Variants in SLC6A6 observed in about 807,000 individuals in gnomAD.
SLC6A6 encodes solute carrier family 6 member 6.
SLC6A6 carries 16 observed loss-of-function variants against 68.8 expected under a neutral mutation model. The observed-to-expected ratio is 0.23, with a 90% CI of 0.16 to 0.35. The LOEUF (loss-of-function observed/expected upper bound fraction) is 0.35, where lower values mean the gene tolerates loss of function less well. Among genes scored for constraint, SLC6A6 ranks in the 10% least tolerant of loss-of-function variants. The probability of loss-of-function intolerance (pLI) is 1.00; values close to 1 mark genes in which losing one functional copy is unlikely to be tolerated. For synonymous variants in SLC6A6, 312 were observed against 315.4 expected (o/e 0.99, Z 0.12); for missense variants, 474 against 802.8 (o/e 0.59, Z 4.95).
intron 11 of SLC6A6, among the ~76,000 whole-genome samples, chr3:14,478,029 G>C (rs374976690): frequency 6.6e-6 from 1 of 151,590 alleles, no homozygotes; most frequent in Admixed American, 6.6e-5. Flanking sequence ...CCCCAGGAAC[G>C]GGTCCCATTT....
At chr3:14,418,591 C>T (rs1170141410) in intron 2 of SLC6A6, among the ~76,000 whole-genome samples, 1 of 152,246 alleles carries the variant, frequency 6.6e-6, no homozygotes, top group Non-Finnish European at 1.5e-5. Flanking sequence ...ATTGCTACCG[C>T]TTCCTGGACT....
intron 6 of SLC6A6, 46 bp from the exon 7 acceptor site, chr3:14,466,470 C>T: frequency 3.8e-6 from 6 of 1,577,368 alleles, no homozygotes; most frequent in Non-Finnish European, 3.5e-6. Context: ...GACTTAGCAG[C>T]AGCAAGTGAT....
Position 14,466,375 on chromosome 3 carries a change from C to T in SLC6A6, c.733-141C>T, listed in dbSNP as rs73134889. On this transcript the variant is annotated intron_variant, in intron 6 of 14. Transcript: ENST00000622186. ...AGTGGTTAAGCAATGTGCCAAAGGCCGCACAGCAAGTAAGACAGCAAACCT... is the reference window on the plus strand; with the variant it reads ...AGTGGTTAAGCAATGTGCCAAAGGCTGCACAGCAAGTAAGACAGCAAACCT... 1.2e-4 allele frequency: 107 copies of T among 910,668 alleles called. 1 individual carries two copies. The African/African-American group carries it at 1.6e-3, about 13-fold the overall frequency. The allele number at this position is 910,668 out of a possible 1,614,324, so 56.4% of individuals were successfully genotyped here.
chr3:14,416,107 T>A (rs912621312), intron 1 of SLC6A6, among the ~76,000 whole-genome samples: 2 of 151,990 alleles, frequency 1.3e-5, no homozygotes, highest in African/African-American at 4.8e-5. Flanking sequence ...CATGTGTGAG[T>A]GTGTGTCCCA....
intron 1 of SLC6A6, among the ~76,000 whole-genome samples, chr3:14,407,168 G>A (rs1699128962): frequency 6.6e-6 from 1 of 151,508 alleles, no homozygotes; most frequent in South Asian, 2.1e-4. Flanking sequence ...TCCCACCTCA[G>A]CCTTCCAAGT....
intron 1 of SLC6A6, among the ~76,000 whole-genome samples, chr3:14,411,493 G>A (rs1005160913): frequency 1.3e-5 from 2 of 152,230 alleles, no homozygotes; most frequent in Admixed American, 1.3e-4. Flanking sequence ...GTGAGTTAAA[G>A]TGGACTTCAG....
At chr3:14,408,799 T>C (rs1574903298) in intron 1 of SLC6A6, among the ~76,000 whole-genome samples, 1 of 151,342 alleles carries the variant, frequency 6.6e-6, no homozygotes, top group East Asian at 2.0e-4. Flanking sequence ...AGTTTTGTTT[T>C]GTTTTTTTTT....
intron 6 of SLC6A6, among the ~76,000 whole-genome samples, chr3:14,458,531 G>A (rs1292889842): frequency 5.3e-5 from 8 of 152,222 alleles, no homozygotes; most frequent in African/African-American, 1.7e-4. Context: ...ATGGACCCTC[G>A]CTTTGCAGAG....
At position 14,485,033 on chromosome 3, in the gene SLC6A6, G is replaced by C. The variant is rs375717737; in HGVS notation, c.*26G>C. The C allele has an allele frequency of 1.3e-6, 2 of 1,580,272 alleles. No homozygotes were observed. The highest frequency in any genetic ancestry group is 3.4e-5 in the Admixed American group (2 of 58,588). On this transcript the variant is annotated 3_prime_UTR_variant, in exon 15 of 15. Coordinates refer to ENST00000622186, the MANE Select transcript of SLC6A6 (RefSeq NM_003043.6). ...GCTCTCTCGGGTCGACGGGGCCGGC[G>C]GCTTTCCTGCTGTTTACTAACATTA...
chr3:14,438,243 TATTGATCA>T lies in SLC6A6; in HGVS notation c.-11-5376_-11-5369del, dbSNP rs201694833. Among the ~76,000 whole-genome samples the T allele has an allele frequency of 7.6e-3, 1,158 of 152,136 alleles. 16 individuals are homozygous for T. Among genetic ancestry groups the T allele is most frequent in the African/African-American group, 0.025 (1,054 of 41,476 alleles). ...GTTTTTTTTTTTTAAAGCTACTATT[TATTGATCA>T]ATTGGTATGTGCTGGGCTGTGTGCT... is the stretch of plus-strand genomic sequence containing the variant. On this transcript the variant is annotated intron_variant, in intron 2 of 14. Transcript: ENST00000622186.
chr3:14,466,655 T>G lies in SLC6A6; in HGVS notation c.867+5T>G. On this transcript the variant is annotated splice_donor_5th_base_variant and intron_variant, in intron 7 of 14. Coordinates refer to ENST00000622186, the MANE Select transcript of SLC6A6 (RefSeq NM_003043.6). Reference sequence around the variant, plus strand: ...ACCCGCCTTGAGGACCCACAGGTACTGTGGGGCTGGGACACACCATCCTCC... The same window carrying G: ...ACCCGCCTTGAGGACCCACAGGTACGGTGGGGCTGGGACACACCATCCTCC... 6.2e-7 allele frequency: 1 copy of G among 1,607,598 alleles called. No homozygotes were observed. Among genetic ancestry groups the G allele is most frequent in the Non-Finnish European group, 8.5e-7 (1 of 1,175,664 alleles).
chr3:14,413,602 G>T (rs1361504309), intron 1 of SLC6A6, among the ~76,000 whole-genome samples: 1 of 152,148 alleles, frequency 6.6e-6, no homozygotes, highest in Non-Finnish European at 1.5e-5. Context: ...GACCTTGGGG[G>T]CAGGGCTCCG....
rs941075854 is a variant in SLC6A6, at chr3:14,472,051, G to A, written c.1097-154G>A. The stretch of plus-strand genomic sequence containing the variant: ...GCCCCAGCGTGTCCCACCCAAAGGC[G>A]AGACAGGCCTGGTCTCTTTCCCCAG... On this transcript the variant is annotated intron_variant, in intron 9 of 14. Coordinates refer to ENST00000622186, the MANE Select transcript of SLC6A6 (RefSeq NM_003043.6). The surrounding 1 kb of genome is among the most constrained non-coding windows in gnomAD (Gnocchi z 4.5). Among the ~76,000 whole-genome samples, 5 of 152,176 alleles carry A rather than the reference G, an allele frequency of 3.3e-5. No homozygotes were observed. Among genetic ancestry groups the A allele is most frequent in the Non-Finnish European group, 5.9e-5 (4 of 68,028 alleles).
intron 2 of SLC6A6, among the ~76,000 whole-genome samples, chr3:14,426,279 C>T (rs549520587): frequency 3.9e-5 from 6 of 152,232 alleles, no homozygotes; most frequent in Admixed American, 2.6e-4. Context: ...TCGGTCAAGT[C>T]GCTTATTGAT....
At chr3:14,446,684 C>T (rs1035767629) in intron 4 of SLC6A6, among the ~76,000 whole-genome samples, 6 of 152,168 alleles carry the variant, frequency 3.9e-5, no homozygotes, top group Admixed American at 2.6e-4. Context: ...TTGAGAAGGT[C>T]ACTTTATACT....
At position 14,468,132 on chromosome 3, in the gene SLC6A6, T is replaced by G. The variant is rs1021849751; in HGVS notation, c.1016T>G (p.Val339Gly). Residue 339 changes from valine to glycine, a missense_variant, in exon 9 of 15, where the codon GTG becomes GGG. Physicochemically the swap from Val to Gly is moderately radical, Grantham distance 109. Transcript: ENST00000622186. The surrounding 1 kb of genome is among the most constrained non-coding windows in gnomAD (Gnocchi z 4.5). Reference protein sequence around the residue: ...LGCLNSGTSFVSGFAIFSILG... With the variant: ...LGCLNSGTSFGSGFAIFSILG... ...TGCCTGAACAGTGGTACCAGTTTTGTGTCTGGCTTCGCAATTTTTTCCATC... is the reference window on the plus strand; with the variant it reads ...TGCCTGAACAGTGGTACCAGTTTTGGGTCTGGCTTCGCAATTTTTTCCATC... 1 of 1,614,048 alleles carries G rather than the reference T, an allele frequency of 6.2e-7. No individual in the cohort carries two copies. The highest frequency in any genetic ancestry group is 8.5e-7 in the Non-Finnish European group (1 of 1,180,014).
intron 10 of SLC6A6, among the ~76,000 whole-genome samples, chr3:14,474,453 C>T (rs1700827309): frequency 6.6e-6 from 1 of 152,164 alleles, no homozygotes; most frequent in Non-Finnish European, 1.5e-5. Flanking sequence ...GCGCGGCCAT[C>T]ACCACCGTCC....
chr3:14,474,098 C>G (rs1405158711), intron 10 of SLC6A6, among the ~76,000 whole-genome samples: 1 of 152,228 alleles, frequency 6.6e-6, no homozygotes, highest in Non-Finnish European at 1.5e-5. Flanking sequence ...GTTAGATGAC[C>G]TGCCAGGGAC....
In SLC6A6 at chr3:14,488,310, GCA is replaced by G. The variant is rs1701230476; in HGVS notation, c.*3304_*3305del. 1 of 152,662 alleles carries G rather than the reference GCA, an allele frequency of 6.6e-6. No individual in the cohort carries two copies. Among genetic ancestry groups the G allele is most frequent in the African/African-American group, 2.4e-5 (1 of 41,402 alleles). 9.5% of individuals were successfully genotyped at this position (152,662 alleles called of 1,614,324 possible). A position where few individuals can be genotyped will look rare whatever the true frequency, so the allele number is the denominator to read the frequency against. On this transcript the variant is annotated 3_prime_UTR_variant, in exon 15 of 15. Coordinates refer to ENST00000622186, the MANE Select transcript of SLC6A6 (RefSeq NM_003043.6). ...TCCTTCACTGCCCCCTGGATCCCCAGCATACCCCCAAAGACAGTGGGGAAACA... is the reference window on the plus strand; with the variant it reads ...TCCTTCACTGCCCCCTGGATCCCCAGTACCCCCAAAGACAGTGGGGAAACA...
Sources: allele counts gnomAD v4.1 joint callset (sites outside exome capture counted in the v4.1 genomes callset), GRCh38; gene constraint gnomAD v4.1.1; non-coding constraint Gnocchi (gnomAD v3.1); transcripts MANE v1.5; gene names NCBI Gene and HGNC (gene_info 2026-07-23, HGNC 2026-07-21).